PHTF2: variants seen among roughly 807,000 people sequenced by gnomAD.
PHTF2 encodes protein PHTF2.
PHTF2 carries 60 observed loss-of-function variants against 101.2 expected under a neutral mutation model. The ratio of observed to expected loss-of-function variants is 0.59; its 90% CI spans 0.48 to 0.73. The LOEUF (loss-of-function observed/expected upper bound fraction) is 0.73, where lower values mean the gene tolerates loss of function less well. Ranked by LOEUF, PHTF2 falls within the 30% of genes least tolerant of loss-of-function variation. The probability of loss-of-function intolerance (pLI) is 0.00; values close to 1 mark genes in which losing one functional copy is unlikely to be tolerated. For missense variants in PHTF2, 747 were observed against 908.7 expected, an observed-to-expected ratio of 0.82 and a Z score of 2.29; for synonymous variants, 311 against 307.3, an observed-to-expected ratio of 1.01 and a Z score of -0.13.
At chr7:77,909,024 C>G (rs1802118692) in intron 8 of PHTF2, 66 bp downstream of exon 7, 1 of 1,022,912 alleles carries the variant, frequency 9.8e-7, no homozygotes, top group Non-Finnish European at 1.4e-6. Flanking sequence ...TTGTTCTTGA[C>G]TCCTCTTACC....
At chr7:77,947,689 CTTTG>C (rs973215531) in intron 16 of PHTF2, among the ~76,000 whole-genome samples, 1 of 151,916 alleles carries the variant, frequency 6.6e-6, no homozygotes, top group African/African-American at 2.4e-5. Flanking sequence ...AAACAGAATG[CTTTG>C]TTTATTTAAA....
intron 7 of PHTF2, among the ~76,000 whole-genome samples, chr7:77,905,774 A>G (rs1801798492): frequency 6.6e-6 from 1 of 151,926 alleles, no homozygotes; most frequent in Admixed American, 6.6e-5. Context: ...CTGGGATTAC[A>G]GGTGTGAGCC....
chr7:77,920,514 A>G (rs1488240135), intron 10 of PHTF2, 49 bp downstream of exon 9: 1 of 1,393,354 alleles, frequency 7.2e-7, no homozygotes, highest in South Asian at 1.2e-5. Context: ...TATATTAGCC[A>G]ATGTAAAGTG....
chr7:77,803,973 GA>G (rs1461049560), intron 1 of PHTF2, among the ~76,000 whole-genome samples: 1 of 152,032 alleles, frequency 6.6e-6, no homozygotes, highest in African/African-American at 2.4e-5. Context: ...AAATGACAAT[GA>G]AAAAAATAAA....
At chr7:77,938,590 G>T (rs1447584473) in intron 13 of PHTF2, among the ~76,000 whole-genome samples, 5 of 148,740 alleles carry the variant, frequency 3.4e-5, no homozygotes, top group Admixed American at 2.0e-4. Context: ...AATTAGCCAG[G>T]CGTGGTGAAA....
chr7:77,882,130 C>T (rs1042589869), intron 3 of PHTF2, among the ~76,000 whole-genome samples: 8 of 151,998 alleles, frequency 5.3e-5, no homozygotes, highest in Admixed American at 3.3e-4. Context: ...TGCAGAGAAT[C>T]GTGTCATTTT....
intron 5 of PHTF2, among the ~76,000 whole-genome samples, chr7:77,900,023 A>T (rs1801248299): frequency 6.6e-6 from 1 of 151,762 alleles, no homozygotes; most frequent in Non-Finnish European, 1.5e-5. Flanking sequence ...CACTCTGTAT[A>T]CTGATAGCAG....
At chr7:77,939,589 CAA>C (rs914007792) in intron 13 of PHTF2, among the ~76,000 whole-genome samples, 26 of 75,062 alleles carry the variant, frequency 3.5e-4, no homozygotes, top group Admixed American at 4.8e-4. Context: ...GACCCTGTCT[CAA>C]AAAAAAAAAA....
rs186122660 is a variant in PHTF2 at position 77,880,437 on chromosome 7, T to C, written c.148-13171T>C. 3.6e-3 allele frequency among the ~76,000 whole-genome samples: 544 copies of C among 152,324 alleles called. 3 individuals are homozygous for C. Among genetic ancestry groups the C allele is most frequent in the Non-Finnish European group, 5.0e-3 (337 of 68,026 alleles). ...TATGTAGATACCCTGTTCATCTCTC[T>C]CAAGATCTTTATTCTAGACCTTCTT... On this transcript the variant is annotated intron_variant, in intron 3 of 19. Transcript: ENST00000416283.
chr7:77,840,265 A>C, exon 2 of PHTF2: 1 of 1,609,824 alleles, frequency 6.2e-7, no homozygotes, highest in Non-Finnish European at 8.5e-7. Flanking sequence ...AATGGCGTCC[A>C]AAGTCACAGA....
At chr7:77,899,946 GT>G (rs1361529976) in intron 5 of PHTF2, among the ~76,000 whole-genome samples, 1 of 150,876 alleles carries the variant, frequency 6.6e-6, no homozygotes, top group African/African-American at 2.4e-5. Context: ...TAACATTCTA[GT>G]CTTAAGTAAT....
At chr7:77,937,624 A>G (rs1177900283) in intron 12 of PHTF2, 86 bp from the exon 12 acceptor site, 6 of 421,696 alleles carry the variant, frequency 1.4e-5, no homozygotes, top group East Asian at 1.2e-4. Context: ...GTGTGTGTAT[A>G]TAGAGATATA....
At chr7:77,884,711 A>G (rs1799680270) in intron 3 of PHTF2, among the ~76,000 whole-genome samples, 1 of 152,146 alleles carries the variant, frequency 6.6e-6, no homozygotes, top group Non-Finnish European at 1.5e-5. Flanking sequence ...AGCCTGACCA[A>G]TATGGTCAAA....
intron 11 of PHTF2, among the ~76,000 whole-genome samples, chr7:77,926,639 T>G (rs1804027579): frequency 6.6e-6 from 1 of 152,140 alleles, no homozygotes; most frequent in Non-Finnish European, 1.5e-5. Flanking sequence ...TACAATCTAT[T>G]TGAGAATATT....
At chr7:77,847,676 A>G (rs950822977) in intron 2 of PHTF2, among the ~76,000 whole-genome samples, 1 of 152,234 alleles carries the variant, frequency 6.6e-6, no homozygotes, top group African/African-American at 2.4e-5. Context: ...AGTATCCATC[A>G]CTTCAAGCAT....
chr7:77,823,211 T>C (rs1794443647), intron 1 of PHTF2, among the ~76,000 whole-genome samples: 1 of 148,264 alleles, frequency 6.7e-6, no homozygotes, highest in Non-Finnish European at 1.5e-5. Context: ...GCCAAATATT[T>C]AAATCTTAAA....
chr7:77,914,821 A>G (rs1293505191), intron 9 of PHTF2, among the ~76,000 whole-genome samples: 3 of 152,178 alleles, frequency 2.0e-5, no homozygotes, highest in African/African-American at 7.2e-5. Context: ...GGTTTGTGCT[A>G]GAGTTATATC....
chr7:77,937,894 TA>T, intron 13 of PHTF2, 56 bp downstream of exon 12: 1 of 865,766 alleles, frequency 1.2e-6, no homozygotes. Context: ...TAATTATATA[TA>T]AGATAATTAC....
chr7:77,827,113 A>G (rs565725915), intron 1 of PHTF2, among the ~76,000 whole-genome samples: 2 of 152,354 alleles, frequency 1.3e-5, no homozygotes, highest in African/African-American at 4.8e-5. Context: ...CATGGATACC[A>G]TGTAAAGTTG....
Sources: gnomAD v4.1 joint callset for allele counts (sites outside exome capture counted in the v4.1 genomes callset) on GRCh38, gnomAD v4.1.1 for gene constraint, MANE v1.5 for transcripts, NCBI Gene and HGNC (gene_info 2026-07-23, HGNC 2026-07-21) for gene names.